Variants in TMOD1 observed in about 807,000 individuals in gnomAD.
The protein encoded by TMOD1 is tropomodulin 1, also known as tropomodulin-1.
In TMOD1, 17 loss-of-function variants were observed where a neutral mutation model predicts 40.6. The observed-to-expected ratio is 0.42, with a 90% CI of 0.29 to 0.63. TMOD1 has a LOEUF of 0.63. TMOD1 is among the 20% of genes least tolerant of loss of function. TMOD1 has a pLI of 0.22. For synonymous variants in TMOD1, 181 were observed against 175.0 expected (o/e 1.03, Z -0.27); for missense variants, 391 against 447.6 (o/e 0.87, Z 1.14).
At chr9:97,504,928 A>G (rs759773484) in intron 1 of TMOD1, among the ~76,000 whole-genome samples, 4 of 152,226 alleles carry the variant, frequency 2.6e-5, no homozygotes, top group South Asian at 2.1e-4. Context: ...TTGGGCTGCT[A>G]GGAGCCATTA....
chr9:97,549,060 A>G (rs1830410387), intron 3 of TMOD1, among the ~76,000 whole-genome samples: 1 of 152,212 alleles, frequency 6.6e-6, no homozygotes, highest in Admixed American at 6.5e-5. Flanking sequence ...AGCCCTGAGG[A>G]ATTTGGAAAG....
chr9:97,525,830 C>G lies in TMOD1; in HGVS notation c.120+1522C>G, dbSNP rs990867413. Reference sequence around the variant, plus strand: ...AGTGGCCTGGTGGCAGTTTTAACTTCCATTTTAATGGAATTGTTGTGTCTC... The same window carrying G: ...AGTGGCCTGGTGGCAGTTTTAACTTGCATTTTAATGGAATTGTTGTGTCTC... On this transcript the variant is annotated intron_variant, in intron 2 of 9. Transcript: ENST00000259365. Among the ~76,000 whole-genome samples the G allele has an allele frequency of 2.0e-5, 3 of 152,210 alleles. No individual in the cohort carries two copies. In the South Asian group the frequency reaches 6.2e-4, roughly 32 times the overall value.
chr9:97,555,656 C>G (rs1156810188), intron 4 of TMOD1: 1 of 1,551,152 alleles, frequency 6.4e-7, no homozygotes, highest in South Asian at 1.2e-5. Context: ...ATGGCAGCAT[C>G]TCTGGGGAAG....
rs772425503 is a variant in TMOD1, at chr9:97,568,886, G to A, written c.727-8G>A. On this transcript the variant is annotated splice_region_variant and splice_polypyrimidine_tract_variant and intron_variant, in intron 7 of 9. Transcript: ENST00000259365. ...CATGGGTATCCTTGCTTTCTCTTGT[G>A]CTTCAAGGCCCTTGCTGAGATGCTC... The A allele has an allele frequency of 1.9e-6, 3 of 1,613,374 alleles. No homozygotes were observed. In the East Asian group the frequency reaches 6.7e-5, roughly 36 times the overall value.
intron 8 of TMOD1, among the ~76,000 whole-genome samples, chr9:97,588,385 A>G (rs573217636): frequency 1.3e-5 from 2 of 152,296 alleles, no homozygotes; most frequent in Admixed American, 1.3e-4. Context: ...TGCCATTTTT[A>G]TCTTTACAGA....
chr9:97,575,419 A>C (rs905688968), intron 8 of TMOD1, among the ~76,000 whole-genome samples: 1 of 152,230 alleles, frequency 6.6e-6, no homozygotes, highest in Admixed American at 6.5e-5. Context: ...TCATTCTTGC[A>C]GTCAGTGAGA....
intron 3 of TMOD1, among the ~76,000 whole-genome samples, chr9:97,551,992 A>T (rs1439731525): frequency 1.3e-5 from 2 of 152,142 alleles, no homozygotes; most frequent in African/African-American, 4.8e-5. Context: ...TTCATTGCTG[A>T]TGTACAGAAA....
chr9:97,549,515 T>C (rs2131250912), intron 3 of TMOD1, among the ~76,000 whole-genome samples: 1 of 152,330 alleles, frequency 6.6e-6, no homozygotes, highest in South Asian at 2.1e-4. Context: ...CTTGAGTTCC[T>C]TTTTAGGGGT....
intron 8 of TMOD1, among the ~76,000 whole-genome samples, chr9:97,576,536 C>T (rs1219687014): frequency 6.6e-6 from 1 of 151,698 alleles, no homozygotes; most frequent in African/African-American, 2.4e-5. Context: ...TTCATTTAAA[C>T]AAGAAACAAG....
intron 8 of TMOD1, among the ~76,000 whole-genome samples, chr9:97,581,097 A>C (rs1825741629): frequency 6.9e-6 from 1 of 145,256 alleles, no homozygotes; most frequent in East Asian, 2.0e-4. Flanking sequence ...GCACCCACTA[A>C]CTCGTCATCT....
chr9:97,596,994 G>T (rs763951952), intron 9 of TMOD1, among the ~76,000 whole-genome samples: 21 of 152,250 alleles, frequency 1.4e-4, no homozygotes, highest in Admixed American at 3.9e-4. Context: ...TGATTCTTGT[G>T]CTTGGCACAC....
chr9:97,599,597 G>GA (rs1826206015), intron 9 of TMOD1, 37 bp from the exon 10 acceptor site: 1 of 1,613,810 alleles, frequency 6.2e-7, no homozygotes, highest in South Asian at 1.1e-5. Context: ...GGTCTACAGG[G>GA]AAAAGTGCCT....
chr9:97,547,214 C>T (rs147536011), intron 3 of TMOD1, among the ~76,000 whole-genome samples: 1 of 151,578 alleles, frequency 6.6e-6, no homozygotes, highest in Non-Finnish European at 1.5e-5. Flanking sequence ...CCCTCTGCCC[C>T]CCTCCAATAT....
At chr9:97,589,143 A>T (rs1825944693) in intron 8 of TMOD1, among the ~76,000 whole-genome samples, 1 of 150,394 alleles carries the variant, frequency 6.6e-6, no homozygotes, top group Admixed American at 6.6e-5. Context: ...AAAGAAGAAG[A>T]ATTAATATTT....
intron 2 of TMOD1, among the ~76,000 whole-genome samples, chr9:97,529,072 G>A (rs1289975918): frequency 6.6e-6 from 1 of 152,210 alleles, no homozygotes; most frequent in Non-Finnish European, 1.5e-5. Flanking sequence ...CTGCGTGTGG[G>A]TCTGGAGTCC....
At chr9:97,599,047 G>A (rs1201075796) in intron 9 of TMOD1, among the ~76,000 whole-genome samples, 1 of 152,146 alleles carries the variant, frequency 6.6e-6, no homozygotes, top group Non-Finnish European at 1.5e-5. Context: ...TCTCCAGCCT[G>A]CAACCTCCTG....
intron 6 of TMOD1, among the ~76,000 whole-genome samples, chr9:97,564,803 A>T (rs1210044603): frequency 6.6e-6 from 1 of 150,786 alleles, no homozygotes; most frequent in Admixed American, 6.6e-5. Flanking sequence ...TTCAGAGACA[A>T]ATGCAGCTTT....
intron 8 of TMOD1, among the ~76,000 whole-genome samples, chr9:97,582,483 GCT>G (rs1287679462): frequency 4.1e-4 from 60 of 146,304 alleles, no homozygotes; most frequent in African/African-American, 1.4e-3. Flanking sequence ...GGCGATGCAG[GCT>G]CTTTTTTGGT....
chr9:97,527,488 G>T (rs1830034931), intron 2 of TMOD1, among the ~76,000 whole-genome samples: 1 of 152,218 alleles, frequency 6.6e-6, no homozygotes, highest in Admixed American at 6.5e-5. Flanking sequence ...TACTGGAACT[G>T]AGCTCTGGAT....
Sources: gnomAD v4.1 joint callset for allele counts (sites outside exome capture counted in the v4.1 genomes callset) on GRCh38, gnomAD v4.1.1 for gene constraint, MANE v1.5 for transcripts, NCBI Gene and HGNC (gene_info 2026-07-23, HGNC 2026-07-21) for gene names.